Variants in FAAH2 observed in about 807,000 individuals in gnomAD.
FAAH2 encodes fatty acid amide hydrolase 2, also known as fatty-acid amide hydrolase 2.
FAAH2 carries 60 observed loss-of-function variants against 36.9 expected under a neutral mutation model. The ratio of observed to expected loss-of-function variants is 1.63; its 90% CI spans 1.32 to 2.02. The LOEUF (loss-of-function observed/expected upper bound fraction) is 2.02, where lower values mean the gene tolerates loss of function less well. FAAH2 is among the 30% of genes most tolerant of loss of function. The pLI is 0.00. For missense variants in FAAH2, 689 were observed against 397.5 expected (o/e 1.73, Z -6.23); for synonymous variants, 214 against 143.8 (o/e 1.49, Z -3.49).
chrX:57,132,141 G>A, the FAAH2 span, among the ~76,000 whole-genome samples: 2 of 112,277 alleles, frequency 1.8e-5, no homozygotes, highest in South Asian at 3.7e-4. Flanking sequence ...ACAGAATACA[G>A]GTTTAAACTC....
intron 10 of FAAH2, among the ~76,000 whole-genome samples, chrX:57,457,339 C>G (rs752429538): frequency 9.0e-6 from 1 of 111,207 alleles, no homozygotes; most frequent in Non-Finnish European, 1.9e-5. Flanking sequence ...CCACAGCCAA[C>G]GTAATACTGA....
intron 3 of FAAH2, among the ~76,000 whole-genome samples, chrX:57,330,445 A>C (rs2053368850): frequency 8.9e-6 from 1 of 111,749 alleles, no homozygotes; most frequent in Non-Finnish European, 1.9e-5. Context: ...TCTCCTGATA[A>C]GATGTTATCA....
At chrX:57,331,216 A>G (rs2053395779) in intron 3 of FAAH2, among the ~76,000 whole-genome samples, 1 of 111,544 alleles carries the variant, frequency 9.0e-6, no homozygotes, top group Non-Finnish European at 1.9e-5. Context: ...CTCCCTGCTA[A>G]TCCAAGTGTC....
chrX:57,231,457 A>C, the FAAH2 span, among the ~76,000 whole-genome samples: 1 of 110,889 alleles, frequency 9.0e-6, no homozygotes, highest in African/African-American at 3.3e-5. Flanking sequence ...GTTCCTCACT[A>C]TTTTGCCTAT....
At chrX:57,444,011 G>T (rs948356390) in intron 8 of FAAH2, among the ~76,000 whole-genome samples, 1 of 112,017 alleles carries the variant, frequency 8.9e-6, no homozygotes, top group Non-Finnish European at 1.9e-5. Context: ...TAAGATGTCA[G>T]TCAGCCCCTA....
intron 7 of FAAH2, among the ~76,000 whole-genome samples, chrX:57,389,933 G>C (rs905823180): frequency 9.1e-6 from 1 of 110,016 alleles, no homozygotes; most frequent in South Asian, 3.8e-4. Flanking sequence ...GCATTCACCT[G>C]ATGATTAGTG....
Position 57,431,988 on chromosome X carries a change from C to T in FAAH2, c.1067C>T (p.Ser356Phe), listed in dbSNP as rs1434689207. 8.3e-7 allele frequency: 1 copy of T among 1,206,760 alleles called. No individual in the cohort carries two copies. Among genetic ancestry groups the T allele is most frequent in the Middle Eastern group, 2.3e-4 (1 of 4,332 alleles). The part of the protein sequence containing the change: ...QHVKLKKMKY[S>F]FQLWIAMMSA... ...GTTAAACTGAAGAAAATGAAGTACT[C>T]TTTTCAGTTGTGGATCGCAATGATG... Residue 356 changes from serine to phenylalanine, a missense_variant, in exon 8 of 11, where the codon TCT becomes TTT. Transcript: ENST00000374900.
At chrX:57,480,948 T>G (rs1288379878) in intron 10 of FAAH2, among the ~76,000 whole-genome samples, 10 of 104,018 alleles carry the variant, frequency 9.6e-5, no homozygotes, top group Admixed American at 6.1e-4. Context: ...CTTTTCACTC[T>G]TTTTTTTTTC....
At chrX:57,476,619 T>C (rs1468727893) in intron 10 of FAAH2, among the ~76,000 whole-genome samples, 1 of 111,492 alleles carries the variant, frequency 9.0e-6, no homozygotes. Context: ...CACATTGATG[T>C]ACATCAGAGA....
the FAAH2 span, among the ~76,000 whole-genome samples, chrX:57,225,557 A>C: frequency 8.9e-6 from 1 of 111,907 alleles, no homozygotes; most frequent in South Asian, 3.8e-4. Flanking sequence ...TTTATGGCCT[A>C]TCATATGGTC....
At chrX:57,218,540 G>A in the FAAH2 span, among the ~76,000 whole-genome samples, 1 of 111,901 alleles carries the variant, frequency 8.9e-6, no homozygotes, top group African/African-American at 3.3e-5. Flanking sequence ...TGCATCCCTG[G>A]TATGAAACCC....
chrX:57,377,405 C>A (rs866255082), intron 5 of FAAH2, among the ~76,000 whole-genome samples: 3 of 112,336 alleles, frequency 2.7e-5, no homozygotes, highest in Middle Eastern at 4.6e-3. Flanking sequence ...AATAGGGAAT[C>A]CTTTTTCCAT....
chrX:57,147,405 C>T, the FAAH2 span, among the ~76,000 whole-genome samples: 1 of 111,409 alleles, frequency 9.0e-6, no homozygotes, highest in South Asian at 3.7e-4. Flanking sequence ...TTGTAATATC[C>T]CCCATTTCAT....
the FAAH2 span, among the ~76,000 whole-genome samples, chrX:57,182,043 C>G: frequency 4.5e-5 from 5 of 111,859 alleles, no homozygotes; most frequent in African/African-American, 9.7e-5. Flanking sequence ...AAAATTGAAC[C>G]TGGAACCCTT....
chrX:57,174,519 G>C, the FAAH2 span, among the ~76,000 whole-genome samples: 1 of 111,292 alleles, frequency 9.0e-6, no homozygotes, highest in East Asian at 2.8e-4. Context: ...TACCAATTTT[G>C]TTTATCTTTT....
At chrX:57,378,502 G>T (rs2054745802) in intron 5 of FAAH2, 149 bp from the exon 6 acceptor site, 4 of 658,232 alleles carry the variant, frequency 6.1e-6, no homozygotes, top group Non-Finnish European at 8.9e-6. Context: ...TAGTAAAATT[G>T]TGAAACTACT....
At chrX:57,437,628 T>A (rs1339847856) in intron 8 of FAAH2, among the ~76,000 whole-genome samples, 1 of 106,288 alleles carries the variant, frequency 9.4e-6, no homozygotes, top group African/African-American at 3.4e-5. Context: ...ATTCCATTTA[T>A]AATAGTTACA....
chrX:57,468,860 T>G (rs779828208), intron 10 of FAAH2, among the ~76,000 whole-genome samples: 8 of 111,654 alleles, frequency 7.2e-5, no homozygotes, highest in African/African-American at 2.6e-4. Flanking sequence ...AAGGTTGGGT[T>G]ACCCACAAAA....
At chrX:57,220,129 C>T in the FAAH2 span, among the ~76,000 whole-genome samples, 1 of 108,561 alleles carries the variant, frequency 9.2e-6, no homozygotes, top group Non-Finnish European at 1.9e-5. Flanking sequence ...TTTCTCCTCC[C>T]AACCGTACCT....
Sources: allele counts gnomAD v4.1 joint callset (sites outside exome capture counted in the v4.1 genomes callset), GRCh38; gene constraint gnomAD v4.1.1; transcripts MANE v1.5; gene names NCBI Gene and HGNC (gene_info 2026-07-23, HGNC 2026-07-21).